The following TAB2 variants were observed in gnomAD, a reference collection of about 807,000 sequenced individuals.
TAB2 encodes the protein TGF-beta-activated kinase 1 and MAP3K7-binding protein 2.
A neutral mutation model predicts 65.0 loss-of-function variants in TAB2; 3 were observed. The observed-to-expected ratio is 0.05, with a 90% CI of 0.02 to 0.12. The LOEUF is 0.12. Among genes scored for constraint, TAB2 ranks in the 10% least tolerant of loss-of-function variants. TAB2 has a pLI of 1.00. For missense variants in TAB2, 623 were observed against 840.3 expected, an observed-to-expected ratio of 0.74 and a Z score of 3.20; for synonymous variants, 298 against 285.1, an observed-to-expected ratio of 1.05 and a Z score of -0.46.
intron 1 of TAB2, among the ~76,000 whole-genome samples, chr6:149,255,695 G>T (rs2114661682): frequency 6.6e-6 from 1 of 152,266 alleles, no homozygotes; most frequent in South Asian, 2.1e-4. Flanking sequence ...ATAATTATGT[G>T]ATTTCTTTCT....
chr6:149,380,735 G>C (rs1455031296), intron 3 of TAB2, among the ~76,000 whole-genome samples: 1 of 152,184 alleles, frequency 6.6e-6, no homozygotes, highest in East Asian at 1.9e-4. Flanking sequence ...CTGTAGGTTG[G>C]AAAATACTAT....
intron 1 of TAB2, among the ~76,000 whole-genome samples, chr6:149,272,681 C>T (rs7744549): frequency 0.13 from 19,108 of 152,226 alleles, 2,488 homozygotes; most frequent in African/African-American, 0.34. Flanking sequence ...AAAGTCCATT[C>T]TGTCATATAA....
At chr6:149,241,037 C>T (rs1020513573) in intron 1 of TAB2, among the ~76,000 whole-genome samples, 1 of 152,120 alleles carries the variant, frequency 6.6e-6, no homozygotes, top group African/African-American at 2.4e-5. Flanking sequence ...AGCTCTCTCA[C>T]TCTTCACACA....
At chr6:149,229,334 T>C (rs1211911815) in intron 1 of TAB2, among the ~76,000 whole-genome samples, 2 of 151,998 alleles carry the variant, frequency 1.3e-5, no homozygotes, top group Non-Finnish European at 2.9e-5. Flanking sequence ...GGCACCGTGC[T>C]TCTACTAACA....
rs557769711 is a variant in TAB2 at position 149,233,099 on chromosome 6, G to A, written c.-121+14323G>A. The stretch of plus-strand genomic sequence containing the variant: ...TATCCTGCATGCAGACCCACCAGCC[G>A]GAAGATGGAGGTAGCCAGGCACTCA... On this transcript the variant is annotated intron_variant, in intron 1 of 1. Coordinates refer to the TAB2 transcript ENST00000606202. Among the ~76,000 whole-genome samples the A allele has an allele frequency of 9.9e-5, 15 of 152,248 alleles. No homozygotes were observed. In the South Asian group the frequency reaches 1.5e-3, roughly 15 times the overall value.
At chr6:149,333,751 GTGTC>G (rs1180768306) in intron 1 of TAB2, among the ~76,000 whole-genome samples, 1 of 150,168 alleles carries the variant, frequency 6.7e-6, no homozygotes, top group Non-Finnish European at 1.5e-5. Context: ...GTGTGTCTAT[GTGTC>G]TGTGTGTACA....
intron 3 of TAB2, among the ~76,000 whole-genome samples, chr6:149,382,325 C>T (rs1192464490): frequency 1.3e-5 from 2 of 152,136 alleles, no homozygotes; most frequent in African/African-American, 4.8e-5. Context: ...AGGCTGGGCA[C>T]GGTGGCTCAC....
intron 3 of TAB2, among the ~76,000 whole-genome samples, chr6:149,383,441 T>G (rs1412608451): frequency 6.6e-6 from 1 of 152,222 alleles, no homozygotes; most frequent in Non-Finnish European, 1.5e-5. Flanking sequence ...ATACAGAATT[T>G]TATAACATTT....
chr6:149,324,501 A>G (rs1779541768), intron 1 of TAB2, among the ~76,000 whole-genome samples: 1 of 152,100 alleles, frequency 6.6e-6, no homozygotes, highest in Non-Finnish European at 1.5e-5. Context: ...ACCTTTTTTA[A>G]TGTTAGCAAA....
intron 6 of TAB2, among the ~76,000 whole-genome samples, 190 bp from the exon 7 acceptor site, chr6:149,409,376 CATGTTGTATTT>C (rs1168135447): frequency 2.6e-5 from 4 of 151,938 alleles, no homozygotes; most frequent in African/African-American, 9.7e-5. Context: ...ACATCATGTT[CATGTTGTATTT>C]CCCAGAGGGA....
At chr6:149,393,013 C>T (rs237033) in intron 3 of TAB2, among the ~76,000 whole-genome samples, 16,722 of 152,112 alleles carry the variant, frequency 0.11, 922 homozygotes, top group East Asian at 0.11. Context: ...ACTTTGACCC[C>T]TTTTTTCCCT....
intron 1 of TAB2, among the ~76,000 whole-genome samples, chr6:149,327,665 A>G (rs755189713): frequency 1.3e-5 from 2 of 152,202 alleles, no homozygotes; most frequent in Non-Finnish European, 2.9e-5. Context: ...ATATTTTATA[A>G]TTTGCATTGA....
chr6:149,383,739 C>T (rs886522812), intron 3 of TAB2, among the ~76,000 whole-genome samples: 1 of 152,212 alleles, frequency 6.6e-6, no homozygotes, highest in Admixed American at 6.5e-5. Context: ...CATGCCACCA[C>T]GCCCAGCTAG....
intron 3 of TAB2, among the ~76,000 whole-genome samples, chr6:149,389,319 C>T (rs1781904681): frequency 6.6e-6 from 1 of 151,982 alleles, no homozygotes. Context: ...GGTCTCATGG[C>T]ATCCCTTCAA....
chr6:149,279,332 C>G (rs970839299), intron 1 of TAB2, among the ~76,000 whole-genome samples: 2 of 152,204 alleles, frequency 1.3e-5, no homozygotes, highest in Non-Finnish European at 2.9e-5. Context: ...TCAACTTCTT[C>G]CTTCCCAATC....
intron 1 of TAB2, among the ~76,000 whole-genome samples, chr6:149,309,019 TAA>T (rs35438102): frequency 6.6e-6 from 1 of 151,496 alleles, no homozygotes; most frequent in African/African-American, 2.4e-5. Flanking sequence ...GGATAGATAA[TAA>T]AAAAAAATAT....
chr6:149,278,170 A>G (rs79625186), intron 1 of TAB2, among the ~76,000 whole-genome samples: 2 of 152,162 alleles, frequency 1.3e-5, no homozygotes, highest in African/African-American at 4.8e-5. Context: ...TACTATAATT[A>G]TCATTCCAAG....
At chr6:149,380,817 A>G (rs2114893747) in intron 3 of TAB2, among the ~76,000 whole-genome samples, 1 of 152,194 alleles carries the variant, frequency 6.6e-6, no homozygotes, top group East Asian at 1.9e-4. Context: ...TTTCTGATAC[A>G]GTGATTTTAC....
At chr6:149,275,276 GAAAGAA>G (rs1778445555) in intron 1 of TAB2, among the ~76,000 whole-genome samples, 1 of 149,680 alleles carries the variant, frequency 6.7e-6, no homozygotes, top group Admixed American at 6.7e-5. Flanking sequence ...AAGAAAGAAA[GAAAGAA>G]AGAAAGAAAG....
Sources: allele counts gnomAD v4.1 joint callset (sites outside exome capture counted in the v4.1 genomes callset), GRCh38; gene constraint gnomAD v4.1.1; transcripts MANE v1.5; gene names NCBI Gene and HGNC (gene_info 2026-07-23, HGNC 2026-07-21).